The following LDB2 variants were observed in gnomAD, a reference collection of about 807,000 sequenced individuals.
The protein encoded by LDB2 is LIM domain binding 2.
LDB2 carries 12 observed loss-of-function variants against 44.3 expected under a neutral mutation model. The ratio of observed to expected loss-of-function variants is 0.27; its 90% CI spans 0.17 to 0.44. LDB2 has a LOEUF of 0.44. Ranked by LOEUF, LDB2 falls within the 20% of genes least tolerant of loss-of-function variation. The probability of loss-of-function intolerance (pLI) is 1.00; values close to 1 mark genes in which losing one functional copy is unlikely to be tolerated. For synonymous variants in LDB2, 164 were observed against 174.8 expected, an observed-to-expected ratio of 0.94 and a Z score of 0.49; for missense variants, 344 against 473.5, an observed-to-expected ratio of 0.73 and a Z score of 2.54.
intron 1 of LDB2, among the ~76,000 whole-genome samples, chr4:16,800,174 TC>T (rs1777531366): frequency 6.6e-6 from 1 of 152,060 alleles, no homozygotes; most frequent in Non-Finnish European, 1.5e-5. Context: ...TGAAAAGCTT[TC>T]AAATGGGCAA....
At chr4:16,666,740 T>A (rs548557521) in intron 2 of LDB2, among the ~76,000 whole-genome samples, 53 of 152,292 alleles carry the variant, frequency 3.5e-4, no homozygotes, top group African/African-American at 1.2e-3. Flanking sequence ...ATGAAGAGAA[T>A]CGTGGTATTT....
At chr4:16,672,453 C>G (rs1284741409) in intron 2 of LDB2, among the ~76,000 whole-genome samples, 1 of 152,198 alleles carries the variant, frequency 6.6e-6, no homozygotes, top group African/African-American at 2.4e-5. Context: ...AAACCAAGCC[C>G]TAGCTCAACC....
At chr4:16,552,156 G>T (rs2152350823) in intron 5 of LDB2, among the ~76,000 whole-genome samples, 1 of 152,180 alleles carries the variant, frequency 6.6e-6, no homozygotes, top group South Asian at 2.1e-4. Flanking sequence ...TTCCCTGAAG[G>T]CAAGGAAGAA....
intron 1 of LDB2, among the ~76,000 whole-genome samples, chr4:16,796,727 C>G (rs185128810): frequency 2.0e-5 from 3 of 152,252 alleles, no homozygotes; most frequent in Admixed American, 2.0e-4. Flanking sequence ...TCAAGCTTAA[C>G]ATCGTCACTA....
chr4:16,621,801 T>G (rs181932570), intron 2 of LDB2, among the ~76,000 whole-genome samples: 2 of 152,258 alleles, frequency 1.3e-5, no homozygotes, highest in African/African-American at 4.8e-5. Context: ...TCAAGCAATC[T>G]TTCCACCTCA....
At chr4:16,635,170 T>A (rs1266065625) in intron 2 of LDB2, among the ~76,000 whole-genome samples, 1 of 151,920 alleles carries the variant, frequency 6.6e-6, no homozygotes, top group African/African-American at 2.4e-5. Flanking sequence ...AGGGATAACA[T>A]CAGGAGAAAT....
intron 1 of LDB2, among the ~76,000 whole-genome samples, chr4:16,895,361 G>C (rs1446707353): frequency 1.3e-5 from 2 of 152,122 alleles, no homozygotes; most frequent in Admixed American, 1.3e-4. Context: ...TGGAAGGAGA[G>C]TAGGTAAACA....
intron 1 of LDB2, among the ~76,000 whole-genome samples, chr4:16,773,324 T>C (rs2109363521): frequency 6.6e-6 from 1 of 152,320 alleles, no homozygotes; most frequent in African/African-American, 2.4e-5. Flanking sequence ...CTGTGCACTT[T>C]ATTTCTACTA....
chr4:16,830,800 G>A (rs1413924254), intron 1 of LDB2, among the ~76,000 whole-genome samples: 3 of 152,168 alleles, frequency 2.0e-5, no homozygotes. Flanking sequence ...TCCAAGGAGT[G>A]TCATTTCATT....
chr4:16,675,930 G>C (rs1173623185), intron 2 of LDB2, among the ~76,000 whole-genome samples: 1 of 152,140 alleles, frequency 6.6e-6, no homozygotes, highest in Non-Finnish European at 1.5e-5. Flanking sequence ...ATATCTGTTT[G>C]TGCCTGATTA....
At chr4:16,850,618 C>T (rs1206224051) in intron 1 of LDB2, among the ~76,000 whole-genome samples, 2 of 152,152 alleles carry the variant, frequency 1.3e-5, no homozygotes, top group Non-Finnish European at 2.9e-5. Context: ...CCGTTTCCCT[C>T]ATATCATTAC....
chr4:16,862,633 CAAAAAAAAAAA>C (rs58157857), intron 1 of LDB2, among the ~76,000 whole-genome samples: 85 of 45,092 alleles, frequency 1.9e-3, no homozygotes, highest in African/African-American at 7.0e-3. Context: ...AATTCCATCT[CAAAAAAAAAAA>C]AAAAAAAAAA....
At chr4:16,769,773 T>A (rs1770235000) in intron 1 of LDB2, among the ~76,000 whole-genome samples, 1 of 152,242 alleles carries the variant, frequency 6.6e-6, no homozygotes, top group African/African-American at 2.4e-5. Flanking sequence ...CATAGCAAAT[T>A]GTGTGTTTTG....
intron 5 of LDB2, among the ~76,000 whole-genome samples, chr4:16,529,245 C>T (rs1355089895): frequency 2.0e-5 from 3 of 152,102 alleles, no homozygotes; most frequent in African/African-American, 7.2e-5. Flanking sequence ...AATCAATTAC[C>T]CCCATCTTAG....
intron 1 of LDB2, among the ~76,000 whole-genome samples, chr4:16,876,103 A>G (rs16894134): frequency 5.3e-4 from 81 of 152,322 alleles, no homozygotes; most frequent in African/African-American, 1.9e-3. Context: ...ACTCAAAGTC[A>G]CAAAATCATC....
intron 1 of LDB2, among the ~76,000 whole-genome samples, chr4:16,887,011 C>T (rs976100673): frequency 1.6e-4 from 18 of 113,532 alleles, no homozygotes; most frequent in African/African-American, 4.7e-4. Flanking sequence ...CCAGCCTGGG[C>T]GACAGAGCGA....
intron 2 of LDB2, among the ~76,000 whole-genome samples, chr4:16,718,649 T>C (rs1486138080): frequency 6.6e-6 from 1 of 152,130 alleles, no homozygotes; most frequent in Admixed American, 6.6e-5. Context: ...TGGTCAACAA[T>C]TTGAGAATCA....
chr4:16,716,818 G>C (rs528302598), intron 2 of LDB2, among the ~76,000 whole-genome samples: 1 of 152,054 alleles, frequency 6.6e-6, no homozygotes, highest in Admixed American at 6.6e-5. Context: ...TCCCATTATA[G>C]TATATGCAGT....
At chr4:16,790,687 C>T (rs567338059) in intron 1 of LDB2, among the ~76,000 whole-genome samples, 45 of 152,240 alleles carry the variant, frequency 3.0e-4, no homozygotes, top group African/African-American at 9.4e-4. Flanking sequence ...CCTCGATAAC[C>T]GGGATGAAAG....
Sources: allele counts gnomAD v4.1 joint callset (sites outside exome capture counted in the v4.1 genomes callset), GRCh38; gene constraint gnomAD v4.1.1; transcripts MANE v1.5; gene names NCBI Gene and HGNC (gene_info 2026-07-23, HGNC 2026-07-21).